The following LIPE variants were observed in gnomAD, a reference collection of about 807,000 sequenced individuals.
The protein encoded by LIPE is hormone-sensitive lipase.
LIPE carries 66 observed loss-of-function variants against 88.5 expected under a neutral mutation model. The observed-to-expected ratio is 0.75, with a 90% CI of 0.61 to 0.91. The LOEUF is 0.91. LIPE is among the 40% of genes least tolerant of loss of function. The pLI, the probability that LIPE is intolerant of heterozygous loss-of-function variation, is 0.00. For synonymous variants in LIPE, 570 were observed against 617.5 expected (o/e 0.92, Z 1.14); for missense variants, 1,346 against 1,434.7 (o/e 0.94, Z 1.00).
intron 1 of LIPE, among the ~76,000 whole-genome samples, chr19:42,421,110 G>A (rs992946216): frequency 1.3e-5 from 2 of 152,026 alleles, no homozygotes; most frequent in South Asian, 2.1e-4. Flanking sequence ...TGTTGCCCAC[G>A]CTGGCCTCAA....
rs999006204 is a variant in LIPE, at chr19:42,426,211, T to A, written c.883+56A>T. Reference sequence around the variant, plus strand: ...TACACCGTAAGTTTTTAGTATTTTTTAAGTAAATGAATGACTGTCCCTGAG... The same window carrying A: ...TACACCGTAAGTTTTTAGTATTTTTAAAGTAAATGAATGACTGTCCCTGAG... On this transcript the variant is annotated intron_variant, in intron 1 of 9. Transcript: ENST00000244289. The A allele has an allele frequency of 2.0e-6, 3 of 1,526,634 alleles. No homozygotes were observed. The African/African-American group carries it at 4.2e-5, about 21-fold the overall frequency. 94.6% of individuals were successfully genotyped at this position (1,526,634 alleles called of 1,614,324 possible).
chr19:42,402,627 G>A lies in LIPE; in HGVS notation c.2947C>T (p.Leu983=). ...CTCACCACGATGTGCACAGGTGGCA[G>A]GCTCTTGAGCATGCTGTCGGGTGCC... The part of the protein sequence containing the change: ...LLAPDSMLKS[L]PPVHIVACAL... Residue 983 remains leucine (L), a synonymous_variant, in exon 9 of 10, where the codon CTG becomes TTG. Transcript: ENST00000244289. The A allele has an allele frequency of 6.7e-7, 1 of 1,493,656 alleles. No homozygotes were observed. The highest frequency in any genetic ancestry group is 8.9e-7 in the Non-Finnish European group (1 of 1,119,636). 92.5% of individuals were successfully genotyped at this position (1,493,656 alleles called of 1,614,324 possible).
chr19:42,408,565 GAAAA>G lies in LIPE; in HGVS notation c.1420-247_1420-244del. On this transcript the variant is annotated intron_variant, in intron 2 of 9. Coordinates refer to ENST00000244289, the MANE Select transcript of LIPE (RefSeq NM_005357.4). The surrounding 1 kb of genome is among the most constrained non-coding windows in gnomAD (Gnocchi z 4.3). ...ATGACAAGGAATGACGAATGGTTTG[GAAAA>G]AAAAAAAGGCAGTAGGTGGAGAGGG... The G allele has an allele frequency of 1.3e-5, 5 of 398,806 alleles. 1 individual carries two copies. The South Asian group carries it at 1.5e-4, about 12-fold the overall frequency. The allele number at this position is 398,806 out of a possible 1,614,324, so 24.7% of individuals were successfully genotyped here.
chr19:42,402,944 CTCAGGGTCAGG>C lies in LIPE; in HGVS notation c.2619_2629del (p.Asn873LysfsTer23). On this transcript the variant is annotated frameshift_variant, in exon 9 of 10. Coordinates refer to ENST00000244289, the MANE Select transcript of LIPE (RefSeq NM_005357.4). LOFTEE classifies it high-confidence loss of function. ...GGAGTTTCCCCTCAGGCTCAAGTCC[CTCAGGGTCAGG>C]TTCTTGAGGGAATCCGTGCCCAGTG... is the stretch of plus-strand genomic sequence containing the variant. 1 of 1,609,952 alleles carries C rather than the reference CTCAGGGTCAGG, an allele frequency of 6.2e-7. No individual in the cohort carries two copies. The highest frequency in any genetic ancestry group is 8.5e-7 in the Non-Finnish European group (1 of 1,179,892).
chr19:42,405,970 TCTCTCTCACA>T (rs2040159723), intron 7 of LIPE, 181 bp downstream of exon 7: 5 of 568,298 alleles, frequency 8.8e-6, no homozygotes, highest in Admixed American at 6.5e-5. Context: ...TGTCTCTCTC[TCTCTCTCACA>T]CACACACACA....
chr19:42,412,412 G>C, intron 1 of LIPE: 1 of 985,834 alleles, frequency 1.0e-6, no homozygotes, highest in Non-Finnish European at 1.2e-6. Flanking sequence ...CTGCTGGTCT[G>C]TGGCTTGTGC....
chr19:42,410,784 CAG>C lies in LIPE; in HGVS notation c.940_941del (p.Leu314GlyfsTer49). The C allele has an allele frequency of 6.2e-7, 1 of 1,602,000 alleles. No individual in the cohort carries two copies. Among genetic ancestry groups the C allele is most frequent in the Non-Finnish European group, 8.5e-7 (1 of 1,173,036 alleles). On this transcript the variant is annotated frameshift_variant, in exon 2 of 10. Transcript: ENST00000244289. LOFTEE classifies it high-confidence loss of function. The surrounding 1 kb of genome is among the most constrained non-coding windows in gnomAD (Gnocchi z 6.1). Reference sequence around the variant, plus strand: ...AGAAGAAGGCTATGTTGTCCTCCGCCAGAGTCACCAGCGACTGTGTCATTGTG... The same window carrying C: ...AGAAGAAGGCTATGTTGTCCTCCGCCAGTCACCAGCGACTGTGTCATTGTG... ...LRTMTQSLVT[L>X]AEDNIAFFSS... is the part of the protein sequence containing the mutation.
chr19:42,404,988 A>T (rs770675378), intron 8 of LIPE, among the ~76,000 whole-genome samples: 1 of 152,074 alleles, frequency 6.6e-6, no homozygotes, highest in Non-Finnish European at 1.5e-5. Context: ...CTCATGCTTC[A>T]GCCTCTCTGG....
intron 8 of LIPE, among the ~76,000 whole-genome samples, chr19:42,403,869 T>C (rs1036031238): frequency 1.3e-5 from 2 of 152,144 alleles, no homozygotes; most frequent in African/African-American, 2.4e-5. Flanking sequence ...TGTAGCCACA[T>C]GGATCTGCTT....
At chr19:42,422,715 G>A (rs548405636) in intron 1 of LIPE, among the ~76,000 whole-genome samples, 1 of 152,282 alleles carries the variant, frequency 6.6e-6, no homozygotes, top group South Asian at 2.1e-4. Flanking sequence ...TCCGCCTTTT[G>A]AGACCTGAAA....
chr19:42,423,370 AG>A (rs1453543005), intron 1 of LIPE: 59 of 1,261,402 alleles, frequency 4.7e-5, no homozygotes, highest in Non-Finnish European at 6.0e-5. Flanking sequence ...ACTGCCCCGT[AG>A]GATGTACGAG....
intron 1 of LIPE, chr19:42,423,740 C>T (rs1008120242): frequency 1.2e-5 from 13 of 1,126,866 alleles, no homozygotes; most frequent in African/African-American, 8.4e-5. Context: ...GATCTGGCTC[C>T]GCCCCCTACC....
chr19:42,401,862 C>G lies in LIPE; in HGVS notation c.3181G>C (p.Gly1061Arg). 4 of 1,526,966 alleles carry G rather than the reference C, an allele frequency of 2.6e-6. No individual in the cohort carries two copies. Among genetic ancestry groups the G allele is most frequent in the East Asian group, 2.5e-5 (1 of 39,496 alleles). 94.6% of individuals were successfully genotyped at this position (1,526,966 alleles called of 1,614,324 possible). A position where few individuals can be genotyped will look rare whatever the true frequency, so the allele number is the denominator to read the frequency against. The part of the protein sequence containing the change: ...LTPPAGAGPS[G>R]ETGAAGVDGG... ...TCTACCCCCGCAGCCCCCGTCTCCCCGCTCGGCCCGGCTCCGGCGGGAGGA... is the reference window on the plus strand; with the variant it reads ...TCTACCCCCGCAGCCCCCGTCTCCCGGCTCGGCCCGGCTCCGGCGGGAGGA... Residue 1061 changes from glycine to arginine, a missense_variant, in exon 10 of 10, where the codon GGG (glycine) becomes CGG (arginine). Physicochemically the swap from Gly to Arg is moderately radical, Grantham distance 125 (BLOSUM62 -2). Transcript: ENST00000244289.
intron 1 of LIPE, among the ~76,000 whole-genome samples, chr19:42,421,867 C>T (rs578198049): frequency 1.3e-4 from 20 of 152,300 alleles, no homozygotes; most frequent in African/African-American, 4.1e-4. Flanking sequence ...AAGCCTGGCA[C>T]GAGGGCGGGG....
In LIPE at chr19:42,406,212, C is replaced by T. The variant is rs2147593121; in HGVS notation, c.2314G>A (p.Asp772Asn). 1 of 1,613,840 alleles carries T rather than the reference C, an allele frequency of 6.2e-7. No homozygotes were observed. Among genetic ancestry groups the T allele is most frequent in the African/African-American group, 1.3e-5 (1 of 75,014 alleles). ...AGCACACTGAGGGGCAGCAAGGGGT[C>T]CATGAGGCTCAGCAGGCGGGAGGGA... ...ASPSRLLSLM[D>N]PLLPLSVLSK... Residue 772 changes from aspartate (D) to asparagine (N), a missense_variant, in exon 7 of 10, where the codon GAC becomes AAC. Asp to Asn is a conservative substitution (Grantham distance 23). Transcript: ENST00000244289. This position sits in a 1 kb window ranked among gnomAD's most constrained non-coding sequence, Gnocchi z 5.7.
Position 42,410,317 on chromosome 19 carries a change from A to C in LIPE, c.1409T>G (p.Leu470Arg), listed in dbSNP as rs771915646. ...GGGCAGGGGGCTCACCTGGAAGCCCAGGCAGCGGCCATAGAAGCATCCCTT... is the reference window on the plus strand; with the variant it reads ...GGGCAGGGGGCTCACCTGGAAGCCCCGGCAGCGGCCATAGAAGCATCCCTT... Reference protein sequence around the residue: ...LHKGCFYGRCLGFQFTPAIRP... With the variant: ...LHKGCFYGRCRGFQFTPAIRP... Residue 470 changes from leucine to arginine, a missense_variant, in exon 2 of 10, where the codon CTG (leucine) becomes CGG (arginine). Physicochemically the swap from Leu to Arg is moderately radical, Grantham distance 102 (BLOSUM62 -2). Transcript: ENST00000244289. The surrounding 1 kb of genome is among the most constrained non-coding windows in gnomAD (Gnocchi z 6.1). The C allele has an allele frequency of 1.3e-6, 2 of 1,583,226 alleles. No individual in the cohort carries two copies. Among genetic ancestry groups the C allele is most frequent in the Non-Finnish European group, 1.7e-6 (2 of 1,164,160 alleles).
At position 42,426,409 on chromosome 19, in the gene LIPE, T is replaced by C. The variant is rs1024626741; in HGVS notation, c.741A>G (p.Pro247=). The C allele has an allele frequency of 6.2e-7, 1 of 1,614,148 alleles. No individual in the cohort carries two copies. The highest frequency in any genetic ancestry group is 1.3e-5 in the African/African-American group (1 of 75,038). Residue 247 remains proline, a synonymous_variant, in exon 1 of 10, where the codon CCA becomes CCG. Coordinates refer to ENST00000244289, the MANE Select transcript of LIPE (RefSeq NM_005357.4). ...DVGSSSDTDS[P]ATMGGMVAQG... ...GGGCCACCATTCCACCCATCGTGGCTGGAGAATCTGTGTCTGAAGATGATC... is the reference window on the plus strand; with the variant it reads ...GGGCCACCATTCCACCCATCGTGGCCGGAGAATCTGTGTCTGAAGATGATC...
intron 1 of LIPE, chr19:42,412,143 G>T: frequency 2.6e-6 from 1 of 381,186 alleles, no homozygotes; most frequent in Non-Finnish European, 3.6e-6. Flanking sequence ...TCTTTCCTCT[G>T]ATATCCTTTC....
rs772264295 is a variant in LIPE at position 42,410,524 on chromosome 19, A to T, written c.1202T>A (p.Ile401Asn). 1 of 1,612,922 alleles carries T rather than the reference A, an allele frequency of 6.2e-7. No individual in the cohort carries two copies. The highest frequency in any genetic ancestry group is 8.5e-7 in the Non-Finnish European group (1 of 1,179,968). The change falls in exon 2 of 10, where the codon ATC becomes AAC. Residue 401 changes from isoleucine to asparagine, a missense_variant. By Grantham distance (149) the Ile-to-Asn change is moderately radical (BLOSUM62 -3). Coordinates refer to ENST00000244289, the MANE Select transcript of LIPE (RefSeq NM_005357.4). This position sits in a 1 kb window ranked among gnomAD's most constrained non-coding sequence, Gnocchi z 6.1. ...CAGGTTGTGGCTGGTGCGGAAGAAG[A>T]TGCTGCGGCGGTTGGAGGCCACATA... is the stretch of plus-strand genomic sequence containing the variant. The part of the protein sequence containing the change: ...SRYVASNRRS[I>N]FFRTSHNLAE...
Sources: gnomAD v4.1 joint callset for allele counts (sites outside exome capture counted in the v4.1 genomes callset) on GRCh38, gnomAD v4.1.1 for gene constraint, Gnocchi (gnomAD v3.1) non-coding constraint, MANE v1.5 for transcripts, NCBI Gene and HGNC (gene_info 2026-07-23, HGNC 2026-07-21) for gene names.